MAPK10: variants seen among roughly 807,000 people sequenced by gnomAD.
MAPK10 encodes the protein mitogen-activated protein kinase 10.
A neutral mutation model predicts 59.3 loss-of-function variants in MAPK10; 25 were observed. The observed-to-expected ratio is 0.42, with a 90% CI of 0.31 to 0.59. The LOEUF is 0.59. Ranked by LOEUF, MAPK10 falls within the 20% of genes least tolerant of loss-of-function variation. The probability of loss-of-function intolerance (pLI) is 0.15; values close to 1 mark genes in which losing one functional copy is unlikely to be tolerated. For missense variants in MAPK10, 351 were observed against 568.9 expected (o/e 0.62, Z 3.90); for synonymous variants, 190 against 200.5 (o/e 0.95, Z 0.44).
At chr4:86,148,838 T>C (rs2065663499) in intron 4 of MAPK10, among the ~76,000 whole-genome samples, 3 of 152,058 alleles carry the variant, frequency 2.0e-5, no homozygotes, top group Admixed American at 2.0e-4. Flanking sequence ...AGAAGTAAAG[T>C]ACAGCCAAAA....
chr4:86,067,853 G>C lies in MAPK10; in HGVS notation c.905C>G (p.Pro302Arg). ...PTVRNYVENRPKYAGLTFPKL... is the reference protein window; with the variant it reads ...PTVRNYVENRRKYAGLTFPKL... ...GGGGAAGGTGAGTCCCGCATACTTGGGCCGATTCTCCACATAGTTTCTTAC... is the reference window on the plus strand; with the variant it reads ...GGGGAAGGTGAGTCCCGCATACTTGCGCCGATTCTCCACATAGTTTCTTAC... The change falls in exon 10 of 14, where the codon CCC (proline) becomes CGC (arginine). Residue 302 changes from proline (P) to arginine (R), a missense_variant. Physicochemically the swap from Pro to Arg is moderately radical, Grantham distance 103. Coordinates refer to ENST00000641462, the MANE Select transcript of MAPK10 (RefSeq NM_138982.4). 1 of 1,613,988 alleles carries C rather than the reference G, an allele frequency of 6.2e-7. No homozygotes were observed. Among genetic ancestry groups the C allele is most frequent in the Non-Finnish European group, 8.5e-7 (1 of 1,179,944 alleles).
At chr4:86,539,701 T>C (rs1348238427) in intron 1 of MAPK10, among the ~76,000 whole-genome samples, 1 of 152,166 alleles carries the variant, frequency 6.6e-6, no homozygotes, top group African/African-American at 2.4e-5. Context: ...CTGGGGCACA[T>C]GTGAGAACAA....
At chr4:86,423,303 C>A (rs1208152565) in intron 1 of MAPK10, among the ~76,000 whole-genome samples, 1 of 152,140 alleles carries the variant, frequency 6.6e-6, no homozygotes, top group Non-Finnish European at 1.5e-5. Context: ...CAATGGCCTT[C>A]CCATTCTTAA....
At chr4:86,272,147 T>G (rs772417982) in intron 2 of MAPK10, among the ~76,000 whole-genome samples, 13 of 152,096 alleles carry the variant, frequency 8.5e-5, no homozygotes, top group Non-Finnish European at 1.3e-4. Context: ...GTTGCATCCA[T>G]GTTGCTGCAA....
At chr4:86,458,571 T>C (rs754402644) in intron 1 of MAPK10, among the ~76,000 whole-genome samples, 6 of 152,088 alleles carry the variant, frequency 3.9e-5, no homozygotes, top group African/African-American at 1.4e-4. Flanking sequence ...AATATAGGCA[T>C]ATAGACCAAT....
At chr4:86,418,013 C>G (rs1395809175) in intron 1 of MAPK10, among the ~76,000 whole-genome samples, 1 of 152,154 alleles carries the variant, frequency 6.6e-6, no homozygotes, top group Non-Finnish European at 1.5e-5. Context: ...AGACTACAGC[C>G]TATGTCAGTA....
At chr4:86,147,905 T>C (rs1206074127) in intron 4 of MAPK10, among the ~76,000 whole-genome samples, 1 of 152,214 alleles carries the variant, frequency 6.6e-6, no homozygotes, top group East Asian at 1.9e-4. Context: ...GCCTCCGTTA[T>C]TAGTACATTT....
intron 2 of MAPK10, among the ~76,000 whole-genome samples, chr4:86,307,143 C>T (rs769377962): frequency 1.8e-4 from 27 of 152,142 alleles, no homozygotes; most frequent in Non-Finnish European, 3.1e-4. Context: ...GATTCCAGTT[C>T]TCTGAGCTAC....
At chr4:86,230,664 T>C (rs964980211) in intron 2 of MAPK10, among the ~76,000 whole-genome samples, 3 of 152,212 alleles carry the variant, frequency 2.0e-5, no homozygotes, top group Non-Finnish European at 4.4e-5. Flanking sequence ...ATTTCCTTAG[T>C]ATAGAACTAA....
At chr4:86,455,692 G>A (rs562215430), upstream of MAPK10, among the ~76,000 whole-genome samples, 1 of 152,182 alleles carries the variant, frequency 6.6e-6, no homozygotes, top group East Asian at 1.9e-4. Flanking sequence ...GAGATAGACA[G>A]CAACACAATA....
At chr4:86,259,174 A>G (rs1386830820) in intron 2 of MAPK10, among the ~76,000 whole-genome samples, 1 of 152,064 alleles carries the variant, frequency 6.6e-6, no homozygotes, top group Non-Finnish European at 1.5e-5. Flanking sequence ...GTTTCCTTAC[A>G]TAGGCTCTTT....
intron 1 of MAPK10, among the ~76,000 whole-genome samples, chr4:86,418,938 T>G (rs1746173514): frequency 1.3e-5 from 2 of 152,112 alleles, no homozygotes; most frequent in Non-Finnish European, 2.9e-5. Flanking sequence ...CCAAATATCA[T>G]ATGGGAGCTA....
At chr4:86,119,944 G>A (rs2149110594) in intron 4 of MAPK10, 1 of 152,362 alleles carries the variant, frequency 6.6e-6, no homozygotes, top group African/African-American at 2.4e-5. Flanking sequence ...TATTGAGATT[G>A]TATTGCAGCT....
At chr4:86,508,687 C>T (rs779842157) in intron 1 of MAPK10, among the ~76,000 whole-genome samples, 2 of 152,132 alleles carry the variant, frequency 1.3e-5, no homozygotes, top group African/African-American at 4.8e-5. Flanking sequence ...TGTTTCTGAA[C>T]ATCTTCCAAG....
chr4:86,471,901 T>C (rs1160296627), intron 1 of MAPK10, among the ~76,000 whole-genome samples: 2 of 152,148 alleles, frequency 1.3e-5, no homozygotes, highest in Non-Finnish European at 2.9e-5. Context: ...AACCCAAAAA[T>C]GTTGTCTTTT....
chr4:86,059,184 T>C (rs1426173112), intron 11 of MAPK10, among the ~76,000 whole-genome samples: 1 of 152,148 alleles, frequency 6.6e-6, no homozygotes, highest in Non-Finnish European at 1.5e-5. Flanking sequence ...TTTGGTAATA[T>C]CCAGTAAGAT....
intron 1 of MAPK10, among the ~76,000 whole-genome samples, chr4:86,482,337 G>A (rs1030459078): frequency 7.9e-5 from 12 of 152,000 alleles, no homozygotes; most frequent in African/African-American, 2.9e-4. Context: ...AGTGTTACTG[G>A]ATTTCATTTC....
chr4:86,177,919 C>T (rs2076046042), intron 3 of MAPK10, among the ~76,000 whole-genome samples: 3 of 151,906 alleles, frequency 2.0e-5, no homozygotes, highest in Admixed American at 1.3e-4. Flanking sequence ...CTAATCAAGT[C>T]ATCTAATAAT....
At chr4:86,507,638 A>G (rs1314828116) in intron 1 of MAPK10, among the ~76,000 whole-genome samples, 1 of 76,060 alleles carries the variant, frequency 1.3e-5, no homozygotes, top group South Asian at 4.1e-4. Flanking sequence ...ATATATATAT[A>G]TATATATATA....
Sources: gnomAD v4.1 joint callset for allele counts (sites outside exome capture counted in the v4.1 genomes callset) on GRCh38, gnomAD v4.1.1 for gene constraint, MANE v1.5 for transcripts, NCBI Gene and HGNC (gene_info 2026-07-23, HGNC 2026-07-21) for gene names.